The following RAPGEF2 variants were observed in gnomAD, a reference collection of about 807,000 sequenced individuals.
The protein encoded by RAPGEF2 is PDZ domain containing guanine nucleotide exchange factor (GEF) 1.
RAPGEF2 carries 54 observed loss-of-function variants against 186.7 expected under a neutral mutation model. The observed-to-expected ratio is 0.29, with a 90% CI of 0.23 to 0.36. The LOEUF (loss-of-function observed/expected upper bound fraction) is 0.36, where lower values mean the gene tolerates loss of function less well. Ranked by LOEUF, RAPGEF2 falls within the 10% of genes least tolerant of loss-of-function variation. The pLI, the probability that RAPGEF2 is intolerant of heterozygous loss-of-function variation, is 1.00. For missense variants in RAPGEF2, 1,532 were observed against 2,045.0 expected, an observed-to-expected ratio of 0.75 and a Z score of 4.84; for synonymous variants, 712 against 705.9, an observed-to-expected ratio of 1.01 and a Z score of -0.14.
At position 159,341,545 on chromosome 4, in the gene RAPGEF2, A is replaced by C. The variant is rs1330549022; in HGVS notation, c.2535-19A>C. 1 of 1,556,968 alleles carries C rather than the reference A, an allele frequency of 6.4e-7. No homozygotes were observed. Among genetic ancestry groups the C allele is most frequent in the Admixed American group, 2.0e-5 (1 of 49,018 alleles). On this transcript the variant is annotated intron_variant, in intron 19 of 29. Coordinates refer to ENST00000691494, the MANE Select transcript of RAPGEF2 (RefSeq NM_001394067.2). ...TTGCTGCTTAGGCTTTGACTCTGAT[A>C]TGTTTCTGTTTTTCATAGGTATTAT... is the stretch of plus-strand genomic sequence containing the variant.
In RAPGEF2 at chr4:159,266,552, T is replaced by G. The variant is rs1477015550; in HGVS notation, c.543+22761T>G. On this transcript the variant is annotated intron_variant, in intron 7 of 29. Transcript: ENST00000691494. ...GTATCCGCATTTTATTTCAACTCTC[T>G]ACCTCTGAAGTTTGGTTTGGTTTTT... 1.2e-4 allele frequency among the ~76,000 whole-genome samples: 19 copies of G among 152,326 alleles called. No homozygotes were observed. The East Asian group carries it at 3.7e-3, about 29-fold the overall frequency.
chr4:159,207,481 TTTG>T (rs1750106275), intron 3 of RAPGEF2, among the ~76,000 whole-genome samples: 2 of 152,220 alleles, frequency 1.3e-5, no homozygotes, highest in Admixed American at 1.3e-4. Flanking sequence ...CCAGCTAATG[TTTG>T]TTATTTCTCT....
chr4:159,291,847 T>G (rs1011505070), intron 7 of RAPGEF2, among the ~76,000 whole-genome samples: 14 of 152,194 alleles, frequency 9.2e-5, no homozygotes, highest in African/African-American at 2.2e-4. Context: ...GTTAAAGTTA[T>G]GTGGAATTAC....
At chr4:159,120,220 A>G (rs774648337) in intron 1 of RAPGEF2, among the ~76,000 whole-genome samples, 4 of 152,278 alleles carry the variant, frequency 2.6e-5, no homozygotes, top group Non-Finnish European at 4.4e-5. Context: ...GGGTTTCGCC[A>G]TGTTGGCCAG....
At chr4:159,251,018 T>C (rs902488408) in intron 7 of RAPGEF2, among the ~76,000 whole-genome samples, 8 of 152,068 alleles carry the variant, frequency 5.3e-5, no homozygotes, top group African/African-American at 1.9e-4. Context: ...GCACTCAGAG[T>C]GGCCCGCCGG....
At chr4:159,202,842 T>C (rs1021749183) in intron 3 of RAPGEF2, among the ~76,000 whole-genome samples, 23 of 152,242 alleles carry the variant, frequency 1.5e-4, no homozygotes, top group Admixed American at 3.9e-4. Context: ...CCTCAGGTGA[T>C]CCACCTGCCT....
At chr4:159,255,262 T>A (rs1313140189) in intron 7 of RAPGEF2, among the ~76,000 whole-genome samples, 1 of 152,178 alleles carries the variant, frequency 6.6e-6, no homozygotes, top group East Asian at 1.9e-4. Flanking sequence ...GTCGTTATGA[T>A]GTGTGGCCAT....
intron 25 of RAPGEF2, 49 bp from the exon 26 acceptor site, chr4:159,350,088 T>G: frequency 7.5e-7 from 1 of 1,338,736 alleles, no homozygotes; most frequent in African/African-American, 1.5e-5. Flanking sequence ...ATGGTGTTTA[T>G]TTTCAGACTT....
chr4:159,294,512 T>A (rs1761657789), intron 7 of RAPGEF2, among the ~76,000 whole-genome samples: 1 of 152,196 alleles, frequency 6.6e-6, no homozygotes, highest in South Asian at 2.1e-4. Flanking sequence ...TATTTCTATA[T>A]TAATTAGTAT....
chr4:159,125,889 A>G (rs114251277), intron 1 of RAPGEF2, among the ~76,000 whole-genome samples: 1,560 of 151,668 alleles, frequency 0.01, 33 homozygotes, highest in African/African-American at 0.035. Flanking sequence ...AGTTGAGAGC[A>G]TTTGCTTTCA....
intron 4 of RAPGEF2, among the ~76,000 whole-genome samples, chr4:159,215,025 G>A (rs905463051): frequency 6.6e-6 from 1 of 152,122 alleles, no homozygotes; most frequent in African/African-American, 2.4e-5. Flanking sequence ...ACCACATCCT[G>A]CAAAGTTTTG....
chr4:159,138,677 A>G (rs1741991411), intron 1 of RAPGEF2, among the ~76,000 whole-genome samples: 1 of 152,226 alleles, frequency 6.6e-6, no homozygotes. Flanking sequence ...TAAAAAAATG[A>G]TGTAGACAAG....
At chr4:159,350,933 A>C in intron 26 of RAPGEF2, 5 of 1,140,154 alleles carry the variant, frequency 4.4e-6, no homozygotes, top group Non-Finnish European at 6.1e-6. Flanking sequence ...GTTAAATTTC[A>C]CTGACTCAAC....
At chr4:159,126,461 C>T (rs1424882110) in intron 1 of RAPGEF2, among the ~76,000 whole-genome samples, 2 of 150,410 alleles carry the variant, frequency 1.3e-5, no homozygotes, top group African/African-American at 4.9e-5. Flanking sequence ...TTTTAGTTTT[C>T]TTTATATATG....
chr4:159,236,376 A>T (rs1392715869), intron 4 of RAPGEF2, among the ~76,000 whole-genome samples: 1 of 152,220 alleles, frequency 6.6e-6, no homozygotes, highest in African/African-American at 2.4e-5. Flanking sequence ...CTGTTGAACG[A>T]ATGACTAATT....
intron 1 of RAPGEF2, among the ~76,000 whole-genome samples, chr4:159,131,523 T>TTTTTTTTTTTTTTTTTTTTTTTTTTG (rs1741096180): frequency 1.3e-5 from 1 of 76,662 alleles, no homozygotes. Flanking sequence ...ATTGCTATTT[T>TTTTTTTTTTTTTTTTTTTTTTTTTTG]TTTTTTTTTT....
chr4:159,300,803 G>A (rs908793028), intron 7 of RAPGEF2, among the ~76,000 whole-genome samples: 3 of 152,132 alleles, frequency 2.0e-5, no homozygotes, highest in African/African-American at 4.8e-5. Context: ...TTGCTGTCAC[G>A]TTGTGCCTTG....
chr4:159,104,269 C>G lies in RAPGEF2; in HGVS notation c.69+38C>G, dbSNP rs1301426579. ...CGGCCGCCTGCCCTTGGCCGGATTT[C>G]TGCCTCGCAGGCTGCGTCTTCCCCT... On this transcript the variant is annotated intron_variant, in intron 1 of 29. Transcript: ENST00000691494. The G allele has an allele frequency of 1.2e-5, 13 of 1,118,720 alleles. No individual in the cohort carries two copies. In the Admixed American group the frequency reaches 3.9e-4, roughly 34 times the overall value. The allele number at this position is 1,118,720 out of a possible 1,614,324, so 69.3% of individuals were successfully genotyped here. A position where few individuals can be genotyped will look rare whatever the true frequency, so the allele number is the denominator to read the frequency against.
At chr4:159,260,161 A>G (rs1315731731) in intron 7 of RAPGEF2, among the ~76,000 whole-genome samples, 2 of 151,792 alleles carry the variant, frequency 1.3e-5, no homozygotes, top group Admixed American at 6.6e-5. Context: ...CTAATTTTTT[A>G]TAGAGACGAG....
Sources: allele counts gnomAD v4.1 joint callset (sites outside exome capture counted in the v4.1 genomes callset), GRCh38; gene constraint gnomAD v4.1.1; transcripts MANE v1.5; gene names NCBI Gene and HGNC (gene_info 2026-07-23, HGNC 2026-07-21).